Variants in SYNE2 observed in about 807,000 individuals in gnomAD.
SYNE2 encodes the protein spectrin repeat containing nuclear envelope protein 2.
Under a neutral mutation model 856.3 loss-of-function variants are expected in SYNE2, and 431 were observed. The ratio of observed to expected loss-of-function variants is 0.50; its 90% CI spans 0.47 to 0.55. SYNE2 has a LOEUF of 0.55. SYNE2 is among the 20% of genes least tolerant of loss of function. The probability of loss-of-function intolerance (pLI) is 0.00; values close to 1 mark genes in which losing one functional copy is unlikely to be tolerated. For synonymous variants in SYNE2, 2,923 were observed against 2,872.3 expected, an observed-to-expected ratio of 1.02 and a Z score of -0.56; for missense variants, 8,129 against 8,023.2, an observed-to-expected ratio of 1.01 and a Z score of -0.50.
chr14:64,199,662 G>C (rs1383292905), intron 99 of SYNE2, among the ~76,000 whole-genome samples: 1 of 145,996 alleles, frequency 6.8e-6, no homozygotes, highest in Non-Finnish European at 1.5e-5. Context: ...AGGTTGCAGC[G>C]AGCCCATGTC....
chr14:63,830,605 G>A (rs1172732415), intron 1 of SYNE2, among the ~76,000 whole-genome samples: 3 of 151,702 alleles, frequency 2.0e-5, no homozygotes, highest in African/African-American at 7.3e-5. Flanking sequence ...AGGCTGCAGT[G>A]AACCATGATC....
At chr14:64,038,855 G>A (rs1240663500) in intron 45 of SYNE2, among the ~76,000 whole-genome samples, 5 of 92,486 alleles carry the variant, frequency 5.4e-5, no homozygotes, top group South Asian at 4.5e-4. Flanking sequence ...GAGGGAGACC[G>A]TGGGGAGAGG....
chr14:63,992,925 CT>C (rs1453731640), intron 21 of SYNE2, among the ~76,000 whole-genome samples: 6 of 152,214 alleles, frequency 3.9e-5, no homozygotes, highest in Admixed American at 2.6e-4. Context: ...TCCCACCCTG[CT>C]TAGCTTCTCC....
chr14:63,777,118 G>A (rs1305189271), intron 1 of SYNE2, among the ~76,000 whole-genome samples: 1 of 152,172 alleles, frequency 6.6e-6, no homozygotes, highest in Admixed American at 6.6e-5. Context: ...GGAGGAGGTA[G>A]GAAATTCTTT....
rs765356101 is a variant in SYNE2, at chr14:63,789,416, CATTTT to C, written c.-305+27431_-305+27435del. 5.9e-5 allele frequency among the ~76,000 whole-genome samples: 9 copies of C among 152,220 alleles called. No individual in the cohort carries two copies. In the East Asian group the frequency reaches 1.7e-3, roughly 29 times the overall value. Reference sequence around the variant, plus strand: ...GTAAAGATACGAAGGAATTTTGTTTCATTTTGTTTGCTTTTTCATTCTTTGCACGC... The same window carrying C: ...GTAAAGATACGAAGGAATTTTGTTTCGTTTGCTTTTTCATTCTTTGCACGC... On this transcript the variant is annotated intron_variant, in intron 1 of 23. Coordinates refer to the SYNE2 transcript ENST00000674003.
At chr14:63,881,902 A>C (rs374868109) in intron 1 of SYNE2, among the ~76,000 whole-genome samples, 30 of 152,294 alleles carry the variant, frequency 2.0e-4, no homozygotes, top group African/African-American at 6.7e-4. Context: ...AATTATGGAG[A>C]CTGTTAGCCT....
intron 38 of SYNE2, 70 bp from the exon 39 acceptor site, chr14:64,024,187 G>A (rs1051816009): frequency 1.4e-6 from 2 of 1,391,554 alleles, no homozygotes; most frequent in Non-Finnish European, 2.0e-6. Context: ...TTGGAAAAGT[G>A]TCGTGAGGGT....
Position 64,000,655 on chromosome 14 carries a change from G to A in SYNE2, c.3574G>A (p.Val1192Ile), listed in dbSNP as rs761472992. The A allele has an allele frequency of 6.2e-7, 1 of 1,613,444 alleles. No individual in the cohort carries two copies. Among genetic ancestry groups the A allele is most frequent in the South Asian group, 1.1e-5 (1 of 91,002 alleles). ...NHVNDIKKPF[V>I]IKERDTLKER... Reference sequence around the variant, plus strand: ...TGTGAATGACATAAAAAAGCCTTTTGTAATTAAGGAAAGAGACACACTAAA... The same window carrying A: ...TGTGAATGACATAAAAAAGCCTTTTATAATTAAGGAAAGAGACACACTAAA... Residue 1192 changes from valine to isoleucine, a missense_variant, in exon 28 of 116, where the codon GTA (valine) becomes ATA (isoleucine). Coordinates refer to ENST00000555002, the MANE Select transcript of SYNE2 (RefSeq NM_182914.3).
chr14:64,128,612 A>G, intron 74 of SYNE2, 59 bp downstream of exon 74: 4 of 1,041,908 alleles, frequency 3.8e-6, no homozygotes, highest in Non-Finnish European at 6.1e-6. Context: ...CTTTGCATAT[A>G]AGCCGTGCTT....
In SYNE2 at chr14:63,991,092, G is replaced by C; in HGVS notation, c.2623G>C (p.Gly875Arg). 1.9e-6 allele frequency: 3 copies of C among 1,613,998 alleles called. No homozygotes were observed. In the African/African-American group the frequency reaches 4.0e-5, roughly 22 times the overall value. Residue 875 changes from glycine to arginine, a missense_variant, in exon 21 of 116, where the codon GGT (glycine) becomes CGT (arginine). Transcript: ENST00000555002. Reference sequence around the variant, plus strand: ...GTTACTGGGGCAAAGAGAGAGCCCCGGTGAACTCATTTCAAAACACAAGGT... The same window carrying C: ...GTTACTGGGGCAAAGAGAGAGCCCCCGTGAACTCATTTCAAAACACAAGGT... The part of the protein sequence containing the change: ...QQLLGQRESP[G>R]ELISKHKEAL...
chr14:63,774,654 C>T (rs1887046453), intron 1 of SYNE2, among the ~76,000 whole-genome samples: 2 of 151,844 alleles, frequency 1.3e-5, no homozygotes, highest in Admixed American at 1.3e-4. Context: ...CCTGCCTCAG[C>T]CTCCCAGGTA....
intron 81 of SYNE2, 148 bp downstream of exon 81, chr14:64,141,671 T>TC (rs1595799278): frequency 4.3e-6 from 4 of 934,304 alleles, no homozygotes; most frequent in Non-Finnish European, 6.4e-6. Context: ...TACTGGACCC[T>TC]CCTCCAATGG....
chr14:64,163,462 G>C lies in SYNE2; in HGVS notation c.16360G>C (p.Asp5454His). ...CTTTCTCCAAAATTCCAGTGTCCTG[G>C]ATCGACTCCCACAACCCGCAGAGTC... ...EAFLQNSSVL[D>H]RLPQPAESST... Residue 5454 changes from aspartate to histidine, a missense_variant, in exon 89 of 116, where the codon GAT (aspartate) becomes CAT (histidine). Asp to His is a moderately conservative substitution (Grantham distance 81). Around this residue, in one of 3 missense-constraint regions of SYNE2, gnomAD observed 5,410 missense variants for 5,284.8 expected, o/e 1.02. Transcript: ENST00000555002. 6.2e-7 allele frequency: 1 copy of C among 1,614,100 alleles called. No individual in the cohort carries two copies. The highest frequency in any genetic ancestry group is 2.2e-5 in the East Asian group (1 of 44,884).
intron 1 of SYNE2, among the ~76,000 whole-genome samples, chr14:63,868,757 T>A (rs1896108041): frequency 6.6e-6 from 1 of 152,026 alleles, no homozygotes; most frequent in Non-Finnish European, 1.5e-5. Flanking sequence ...TGTGCTGGGG[T>A]TTTTGTAATA....
chr14:64,053,800 C>A, intron 48 of SYNE2, 143 bp downstream of exon 48: 1 of 723,074 alleles, frequency 1.4e-6, no homozygotes, highest in Non-Finnish European at 2.2e-6. Context: ...TGCATGTATA[C>A]TAAAAATACA....
At position 63,976,552 on chromosome 14, in the gene SYNE2, T is replaced by C; in HGVS notation, c.1129-11T>C. ...TGAAGAATATGTTCTTTTTTTTTTT[T>C]TTTTTTTCAGATTAATGCATGGAAA... is the stretch of plus-strand genomic sequence containing the variant. On this transcript the variant is annotated splice_polypyrimidine_tract_variant and intron_variant, in intron 11 of 115. Transcript: ENST00000555002. The C allele has an allele frequency of 6.3e-7, 1 of 1,594,834 alleles. No individual in the cohort carries two copies. The highest frequency in any genetic ancestry group is 2.2e-5 in the East Asian group (1 of 44,730).
chr14:63,955,519 TA>T (rs2096230429), intron 8 of SYNE2, among the ~76,000 whole-genome samples: 1 of 152,188 alleles, frequency 6.6e-6, no homozygotes, highest in Non-Finnish European at 1.5e-5. Flanking sequence ...TAATGTTTCA[TA>T]ATGTAACCAA....
At chr14:63,972,551 T>C (rs2096487840) in intron 11 of SYNE2, among the ~76,000 whole-genome samples, 1 of 152,212 alleles carries the variant, frequency 6.6e-6, no homozygotes, top group Non-Finnish European at 1.5e-5. Context: ...TCTCAGAGTA[T>C]CATAGTAAAT....
chr14:64,007,479 A>T (rs779747379), intron 31 of SYNE2, among the ~76,000 whole-genome samples: 2 of 152,216 alleles, frequency 1.3e-5, no homozygotes, highest in Non-Finnish European at 2.9e-5. Context: ...TTACCATCCC[A>T]ACTGGGGTGG....
Sources: gnomAD v4.1 joint callset for allele counts (sites outside exome capture counted in the v4.1 genomes callset) on GRCh38, gnomAD v4.1.1 for gene constraint, gnomAD v4.1.1 regional missense constraint, MANE v1.5 for transcripts, NCBI Gene and HGNC (gene_info 2026-07-23, HGNC 2026-07-21) for gene names.